Variants in ETFDH observed in about 807,000 individuals in gnomAD.
ETFDH encodes electron transfer flavoprotein dehydrogenase, also known as electron transfer flavoprotein-ubiquinone oxidoreductase, mitochondrial.
In ETFDH, 61 loss-of-function variants were observed where a neutral mutation model predicts 73.2. The ratio of observed to expected loss-of-function variants is 0.83; its 90% CI spans 0.68 to 1.03. The LOEUF (loss-of-function observed/expected upper bound fraction) is 1.03. Ranked by LOEUF, ETFDH falls within the 50% of genes least tolerant of loss-of-function variation. ETFDH has a pLI of 0.00. For missense variants in ETFDH, 685 were observed against 745.0 expected, an observed-to-expected ratio of 0.92 and a Z score of 0.94; for synonymous variants, 243 against 253.3, an observed-to-expected ratio of 0.96 and a Z score of 0.39.
At chr4:158,676,840 C>T (rs965614951) in intron 1 of ETFDH, among the ~76,000 whole-genome samples, 8 of 152,142 alleles carry the variant, frequency 5.3e-5, no homozygotes, top group Middle Eastern at 3.4e-3. Context: ...ACTTATTGGC[C>T]GTTTGTATAT....
At chr4:158,686,155 G>A (rs542872520) in intron 5 of ETFDH, among the ~76,000 whole-genome samples, 2 of 152,214 alleles carry the variant, frequency 1.3e-5, no homozygotes, top group South Asian at 2.1e-4. Flanking sequence ...AGGAGGGGAA[G>A]GTCAGAGAGA....
intron 1 of ETFDH, among the ~76,000 whole-genome samples, chr4:158,676,988 C>A (rs1167764726): frequency 6.6e-6 from 1 of 152,158 alleles, no homozygotes; most frequent in Non-Finnish European, 1.5e-5. Context: ...AAAATATTTT[C>A]TCCCATTCCA....
intron 10 of ETFDH, among the ~76,000 whole-genome samples, 172 bp downstream of exon 10, chr4:158,703,763 ACTGTAATGTT>A (rs1774529993): frequency 6.6e-6 from 1 of 152,222 alleles, no homozygotes. Flanking sequence ...GTGATTTTTT[ACTGTAATGTT>A]CTGTTTTATT....
intron 1 of ETFDH, among the ~76,000 whole-genome samples, chr4:158,677,294 A>G (rs115774753): frequency 0.012 from 1,773 of 152,356 alleles, 27 homozygotes; most frequent in African/African-American, 0.038. Flanking sequence ...TTTAGGGAGA[A>G]AAGTTACAGG....
chr4:158,676,440 T>C (rs1773713495), intron 1 of ETFDH, among the ~76,000 whole-genome samples: 1 of 152,224 alleles, frequency 6.6e-6, no homozygotes, highest in African/African-American at 2.4e-5. Flanking sequence ...TCTTGCCACC[T>C]CCAGCTGCAT....
chr4:158,705,066 A>T (rs957702532), intron 10 of ETFDH, among the ~76,000 whole-genome samples: 2 of 152,212 alleles, frequency 1.3e-5, no homozygotes, highest in Non-Finnish European at 2.9e-5. Context: ...AGCCTAAAGA[A>T]AAGGGGAGTG....
chr4:158,672,572 C>G, intron 1 of ETFDH, 82 bp downstream of exon 1: 1 of 1,324,642 alleles, frequency 7.5e-7, no homozygotes, highest in Non-Finnish European at 1.1e-6. Context: ...GTAGGCACCT[C>G]TCGCCCCTTC....
intron 5 of ETFDH, 58 bp downstream of exon 5, chr4:158,685,277 G>A: frequency 3.3e-6 from 3 of 899,538 alleles, no homozygotes; most frequent in Non-Finnish European, 5.6e-6. Context: ...TTTAATAAGT[G>A]GAGAATTTTA....
chr4:158,684,579 C>T lies in ETFDH; in HGVS notation c.406-13C>T. On this transcript the variant is annotated splice_polypyrimidine_tract_variant and intron_variant, in intron 3 of 12. Coordinates refer to ENST00000511912, the MANE Select transcript of ETFDH (RefSeq NM_004453.4). ...TAAACTAAAAACATTTCTTTTTCTT[C>T]TTTTATTTCTAGGCTCCACTTAACA... 2 of 1,415,954 alleles carry T rather than the reference C, an allele frequency of 1.4e-6. No homozygotes were observed. The highest frequency in any genetic ancestry group is 2.0e-6 in the Non-Finnish European group (2 of 1,001,806). 87.7% of individuals were successfully genotyped at this position (1,415,954 alleles called of 1,614,324 possible).
chr4:158,704,080 C>T (rs1438955075), intron 10 of ETFDH, among the ~76,000 whole-genome samples: 1 of 152,204 alleles, frequency 6.6e-6, no homozygotes, highest in Admixed American at 6.5e-5. Flanking sequence ...GCCTGGGCAA[C>T]AAGAGCAAAA....
chr4:158,679,577 C>T (rs1773792365), intron 1 of ETFDH: 1 of 152,174 alleles, frequency 6.6e-6, no homozygotes, highest in Non-Finnish European at 1.5e-5. Flanking sequence ...GAGAAAATTC[C>T]CATCTAATTG....
chr4:158,679,373 C>T (rs1773787367), intron 1 of ETFDH: 1 of 152,026 alleles, frequency 6.6e-6, no homozygotes, highest in African/African-American at 2.4e-5. Flanking sequence ...AGGAATGTCT[C>T]TAGACAACGG....
At chr4:158,702,862 A>G (rs1774501186) in intron 9 of ETFDH, among the ~76,000 whole-genome samples, 5 of 152,096 alleles carry the variant, frequency 3.3e-5, no homozygotes, top group Admixed American at 3.3e-4. Flanking sequence ...TCATATGGGT[A>G]GTTCTATTTG....
intron 5 of ETFDH, among the ~76,000 whole-genome samples, chr4:158,689,431 C>G (rs1774096929): frequency 6.6e-6 from 1 of 151,422 alleles, no homozygotes; most frequent in South Asian, 2.1e-4. Context: ...CTTATAGTCA[C>G]TTGTATCACT....
chr4:158,691,096 A>T (rs1774153786), intron 6 of ETFDH, among the ~76,000 whole-genome samples: 1 of 152,190 alleles, frequency 6.6e-6, no homozygotes, highest in Non-Finnish European at 1.5e-5. Context: ...CATGTCAAAG[A>T]TTTTATTTCA....
intron 6 of ETFDH, 88 bp from the exon 7 acceptor site, chr4:158,695,409 T>C: frequency 9.9e-7 from 1 of 1,008,172 alleles, no homozygotes; most frequent in African/African-American, 1.6e-5. Context: ...CTTCTACATC[T>C]GAATCATAGT....
At chr4:158,696,396 C>T (rs1053661447) in intron 7 of ETFDH, among the ~76,000 whole-genome samples, 2 of 152,044 alleles carry the variant, frequency 1.3e-5, no homozygotes, top group African/African-American at 2.4e-5. Context: ...GTCCCAGCTA[C>T]TCTGGAGGCT....
intron 1 of ETFDH, among the ~76,000 whole-genome samples, chr4:158,677,873 T>C (rs1561235763): frequency 2.0e-5 from 3 of 152,204 alleles, no homozygotes; most frequent in African/African-American, 7.2e-5. Flanking sequence ...CATTCAGTGG[T>C]TGGGGGCCTT....
rs1773876658 is a variant in ETFDH at position 158,682,197 on chromosome 4, G to A, written c.178G>A (p.Val60Met). The change falls in exon 3 of 13, where the codon GTG becomes ATG. Residue 60 changes from valine to methionine, a missense_variant and splice_region_variant. Val to Met is a conservative substitution (Grantham distance 21). Transcript: ENST00000511912. ...CCCAGAATTTTTATTTCTCCCAGGAGTGAACATGGAAAGGTTTGCAGAAGA... is the reference window on the plus strand; with the variant it reads ...CCCAGAATTTTTATTTCTCCCAGGAATGAACATGGAAAGGTTTGCAGAAGA... ...PRDKDKRWEGVNMERFAEEAD... is the reference protein window; with the variant it reads ...PRDKDKRWEGMNMERFAEEAD... 2.5e-6 allele frequency: 4 copies of A among 1,613,898 alleles called. No homozygotes were observed. The highest frequency in any genetic ancestry group is 3.4e-6 in the Non-Finnish European group (4 of 1,179,772).
Sources: allele counts gnomAD v4.1 joint callset (sites outside exome capture counted in the v4.1 genomes callset), GRCh38; gene constraint gnomAD v4.1.1; transcripts MANE v1.5; gene names NCBI Gene and HGNC (gene_info 2026-07-23, HGNC 2026-07-21).